The following CIBAR1 variants were observed in gnomAD, a reference collection of about 807,000 sequenced individuals.
CIBAR1 encodes CBY1-interacting BAR domain-containing protein 1.
Under a neutral mutation model 44.0 loss-of-function variants are expected in CIBAR1, and 25 were observed. The observed-to-expected ratio is 0.57, with a 90% CI of 0.41 to 0.79. CIBAR1 has a LOEUF of 0.79. CIBAR1 is among the 30% of genes least tolerant of loss of function. The probability of loss-of-function intolerance (pLI) is 0.00; values close to 1 mark genes in which losing one functional copy is unlikely to be tolerated. For synonymous variants in CIBAR1, 115 were observed against 119.0 expected (o/e 0.97, Z 0.22); for missense variants, 278 against 344.8 (o/e 0.81, Z 1.53).
chr8:93,727,591 C>G (rs1291560074), intron 8 of CIBAR1, among the ~76,000 whole-genome samples: 1 of 152,168 alleles, frequency 6.6e-6, no homozygotes, highest in Non-Finnish European at 1.5e-5. Flanking sequence ...CAGATATTAG[C>G]ATCCCCCGCC....
intron 8 of CIBAR1, chr8:93,727,300 T>G (rs1230448685): frequency 1.2e-6 from 1 of 858,840 alleles, no homozygotes; most frequent in Admixed American, 3.2e-5. Context: ...AGCATTTATT[T>G]TGTTTTATAT....
intron 8 of CIBAR1, chr8:93,727,233 T>TA: frequency 8.0e-7 from 1 of 1,251,414 alleles, no homozygotes; most frequent in South Asian, 1.3e-5. Flanking sequence ...ATTTTCAAGA[T>TA]ACAACTTTTA....
At chr8:93,701,622 G>A (rs1810362575) in intron 2 of CIBAR1, 164 bp downstream of exon 2, 2 of 649,486 alleles carry the variant, frequency 3.1e-6, no homozygotes, top group Non-Finnish European at 5.3e-6. Flanking sequence ...AAAGAGAAGC[G>A]TTCTGTGTTT....
At position 93,724,414 on chromosome 8, in the gene CIBAR1, C is replaced by T. The variant is rs148051925; in HGVS notation, c.658-1980C>T. The T allele has an allele frequency of 1.7e-3, 695 of 416,232 alleles. 7 individuals carry two copies. The highest frequency in any genetic ancestry group is 0.013 in the African/African-American group (653 of 49,358). The allele number at this position is 416,232 out of a possible 1,614,324, so 25.8% of individuals were successfully genotyped here. ...AATCACAGCTCACTGCAGCCTTGAC[C>T]TCTGAGCTTAGGTGATCCTCCCACC... On this transcript the variant is annotated intron_variant, in intron 7 of 8. Coordinates refer to ENST00000518322, the MANE Select transcript of CIBAR1 (RefSeq NM_145269.5).
Position 93,727,166 on chromosome 8 carries a change from C to CT in CIBAR1, c.777+654dup, listed in dbSNP as rs1268489139. ...GGGCCGCAACTTGCCAAACCCTGAT[C>CT]TAGAGAGCTATGCCCTTTTCATATC... is the stretch of plus-strand genomic sequence containing the variant. On this transcript the variant is annotated intron_variant, in intron 8 of 8. Transcript: ENST00000518322. 1.2e-5 allele frequency: 15 copies of CT among 1,288,714 alleles called. No individual in the cohort carries two copies. The African/African-American group carries it at 2.0e-4, about 17-fold the overall frequency. 79.8% of individuals were successfully genotyped at this position (1,288,714 alleles called of 1,614,324 possible).
chr8:93,702,143 G>A (rs977291477), intron 2 of CIBAR1: 3 of 343,034 alleles, frequency 8.7e-6, no homozygotes, highest in Non-Finnish European at 1.8e-5. Flanking sequence ...TTAGAACTGC[G>A]TTGCTTTTTT....
chr8:93,718,547 T>C (rs765355183), intron 6 of CIBAR1, 128 bp from the exon 7 acceptor site: 2 of 489,956 alleles, frequency 4.1e-6, no homozygotes, highest in Non-Finnish European at 7.0e-6. Flanking sequence ...TTGTACTTTA[T>C]TTACCCTATA....
chr8:93,721,954 A>G (rs966979519), intron 7 of CIBAR1, among the ~76,000 whole-genome samples: 1 of 152,208 alleles, frequency 6.6e-6, no homozygotes, highest in Non-Finnish European at 1.5e-5. Context: ...ATAGATAGAT[A>G]TACCAAGGTC....
intron 5 of CIBAR1, among the ~76,000 whole-genome samples, chr8:93,709,511 A>G (rs1810735480): frequency 6.6e-6 from 1 of 152,138 alleles, no homozygotes; most frequent in Admixed American, 6.5e-5. Context: ...TATTTTATAG[A>G]CAGAAAGGGA....
At chr8:93,715,169 G>A (rs1384771969) in intron 6 of CIBAR1, among the ~76,000 whole-genome samples, 2 of 152,048 alleles carry the variant, frequency 1.3e-5, no homozygotes, top group African/African-American at 2.4e-5. Context: ...CTCTGAAATC[G>A]GCTGGCATAG....
intron 4 of CIBAR1, chr8:93,705,980 C>T (rs1451055324): frequency 6.6e-6 from 1 of 152,096 alleles, no homozygotes; most frequent in Non-Finnish European, 1.5e-5. Flanking sequence ...AAAGAAAGCA[C>T]TAACATCCCT....
chr8:93,707,067 C>A, intron 4 of CIBAR1: 1 of 207,410 alleles, frequency 4.8e-6, no homozygotes, highest in Non-Finnish European at 1.0e-5. Flanking sequence ...TGAGAAATAC[C>A]AATCTGGCTT....
At chr8:93,712,394 T>C (rs1810859435) in intron 6 of CIBAR1, among the ~76,000 whole-genome samples, 1 of 152,246 alleles carries the variant, frequency 6.6e-6, no homozygotes, top group Non-Finnish European at 1.5e-5. Context: ...CATTCCTTTT[T>C]TTGACCAAAT....
chr8:93,718,090 C>CT (rs1456696632), intron 6 of CIBAR1, among the ~76,000 whole-genome samples: 1 of 152,092 alleles, frequency 6.6e-6, no homozygotes, highest in African/African-American at 2.4e-5. Flanking sequence ...AGATCTGTGT[C>CT]TAAAGAGTCT....
At chr8:93,724,794 A>G (rs1156794345) in intron 7 of CIBAR1, among the ~76,000 whole-genome samples, 1 of 152,216 alleles carries the variant, frequency 6.6e-6, no homozygotes. Context: ...GTAGCCACAC[A>G]TGGCCAGTGG....
At chr8:93,709,509 A>G (rs1225645717) in intron 5 of CIBAR1, among the ~76,000 whole-genome samples, 2 of 152,170 alleles carry the variant, frequency 1.3e-5, no homozygotes, top group African/African-American at 2.4e-5. Context: ...ATTATTTTAT[A>G]GACAGAAAGG....
rs1341399686 is a variant in CIBAR1, at chr8:93,700,624, G to A, written c.-24G>A. On this transcript the variant is annotated 5_prime_UTR_variant, in exon 1 of 9. Transcript: ENST00000518322. ...ATCCCCGTCCTTGGGCCCCCGCAAG[G>A]TCCCCGGCCGTGCGCGAGGCAGCAT... is the stretch of plus-strand genomic sequence containing the variant. 2 of 1,497,292 alleles carry A rather than the reference G, an allele frequency of 1.3e-6. No individual in the cohort carries two copies. Among genetic ancestry groups the A allele is most frequent in the South Asian group, 1.3e-5 (1 of 78,986 alleles). 92.8% of individuals were successfully genotyped at this position (1,497,292 alleles called of 1,614,324 possible). A position where few individuals can be genotyped will look rare whatever the true frequency, so the allele number is the denominator to read the frequency against.
At chr8:93,711,723 T>C (rs1418919993) in intron 6 of CIBAR1, among the ~76,000 whole-genome samples, 12 of 152,234 alleles carry the variant, frequency 7.9e-5, no homozygotes, top group Non-Finnish European at 2.9e-5. Flanking sequence ...GATGGGAAAC[T>C]GATTCCTTGC....
chr8:93,703,725 C>T (rs753072696), intron 3 of CIBAR1, 37 bp downstream of exon 3: 1 of 1,499,338 alleles, frequency 6.7e-7, no homozygotes, highest in South Asian at 1.3e-5. Context: ...CTGTGAGTTA[C>T]TCTGGCAAAG....
Sources: allele counts gnomAD v4.1 joint callset (sites outside exome capture counted in the v4.1 genomes callset), GRCh38; gene constraint gnomAD v4.1.1; transcripts MANE v1.5; gene names NCBI Gene and HGNC (gene_info 2026-07-23, HGNC 2026-07-21).